COL24A1: variants seen among roughly 807,000 people sequenced by gnomAD.
COL24A1 encodes collagen type XXIV alpha 1 chain, also known as collagen alpha-1(XXIV) chain.
A neutral mutation model predicts 253.9 loss-of-function variants in COL24A1; 224 were observed. The observed-to-expected ratio is 0.88, with a 90% CI of 0.79 to 0.99. The LOEUF is 0.99. COL24A1 is among the 50% of genes least tolerant of loss of function. The probability of loss-of-function intolerance (pLI) is 0.00; values close to 1 mark genes in which losing one functional copy is unlikely to be tolerated. For missense variants in COL24A1, 2,131 were observed against 2,068.5 expected, an observed-to-expected ratio of 1.03 and a Z score of -0.59; for synonymous variants, 685 against 673.7, an observed-to-expected ratio of 1.02 and a Z score of -0.26.
At position 86,003,044 on chromosome 1, in the gene COL24A1, G is replaced by A. The variant is rs192033400; in HGVS notation, c.2310+14107C>T. Among the ~76,000 whole-genome samples the A allele has an allele frequency of 2.2e-3, 328 of 152,306 alleles. 1 individual carries two copies. The highest frequency in any genetic ancestry group is 5.7e-3 in the African/African-American group (235 of 41,576). On this transcript the variant is annotated intron_variant, in intron 19 of 59. Coordinates refer to ENST00000370571, the MANE Select transcript of COL24A1 (RefSeq NM_152890.7). Reference sequence around the variant, plus strand: ...CATATTTAATCCAGAAGACCCTTTAGTATTGGAGGTATTATGGTGGGAGAA... The same window carrying A: ...CATATTTAATCCAGAAGACCCTTTAATATTGGAGGTATTATGGTGGGAGAA...
intron 53 of COL24A1, among the ~76,000 whole-genome samples, chr1:85,770,761 A>C (rs574328861): frequency 2.2e-4 from 33 of 152,296 alleles, no homozygotes; most frequent in Non-Finnish European, 4.0e-4. Flanking sequence ...GCATCCTAGA[A>C]ATGAGGGAAG....
chr1:86,148,174 T>C (rs1652176530), intron 1 of COL24A1, among the ~76,000 whole-genome samples: 1 of 149,206 alleles, frequency 6.7e-6, no homozygotes. Context: ...GAGTTTTGTT[T>C]TGTTTTTGTT....
intron 27 of COL24A1, among the ~76,000 whole-genome samples, 178 bp from the exon 28 acceptor site, chr1:85,907,425 T>G (rs182184040): frequency 6.6e-6 from 1 of 152,076 alleles, no homozygotes; most frequent in South Asian, 2.1e-4. Context: ...TTTTGAAATA[T>G]TCTACTATTT....
At chr1:86,007,153 G>A (rs915604980) in intron 19 of COL24A1, among the ~76,000 whole-genome samples, 3 of 152,006 alleles carry the variant, frequency 2.0e-5, no homozygotes, top group African/African-American at 4.8e-5. Flanking sequence ...AGGTTGAGGC[G>A]ACAGTGAGCC....
At chr1:85,848,709 G>T (rs1558377762) in intron 38 of COL24A1, among the ~76,000 whole-genome samples, 1 of 152,046 alleles carries the variant, frequency 6.6e-6, no homozygotes, top group Non-Finnish European at 1.5e-5. Flanking sequence ...TTCTATTATT[G>T]ATAAACAAGA....
chr1:85,782,245 C>T (rs1669220724), intron 51 of COL24A1, among the ~76,000 whole-genome samples: 1 of 152,040 alleles, frequency 6.6e-6, no homozygotes, highest in African/African-American at 2.4e-5. Context: ...TGCCACCATG[C>T]CCAGCTAAAT....
chr1:86,068,609 G>T (rs79564378), intron 7 of COL24A1, among the ~76,000 whole-genome samples: 1 of 152,168 alleles, frequency 6.6e-6, no homozygotes, highest in African/African-American at 2.4e-5. Flanking sequence ...GTGAACTAGG[G>T]TGGAATGTGA....
chr1:86,005,664 C>A (rs1695880781), intron 19 of COL24A1, among the ~76,000 whole-genome samples: 1 of 151,766 alleles, frequency 6.6e-6, no homozygotes, highest in African/African-American at 2.4e-5. Context: ...AGGAACAAAG[C>A]AAGAATATCC....
rs1251695368 is a variant in COL24A1, at chr1:85,730,425, T to G, written c.*121A>C. On this transcript the variant is annotated 3_prime_UTR_variant, in exon 60 of 60. Transcript: ENST00000370571. ...AGGAAGTCTGTTCTTCCTGAGATTC[T>G]TTAAGATTTAGCCAATGCTTTATTA... 2 of 1,071,550 alleles carry G rather than the reference T, an allele frequency of 1.9e-6. No individual in the cohort carries two copies. Among genetic ancestry groups the G allele is most frequent in the Non-Finnish European group, 2.6e-6 (2 of 760,544 alleles). 66.4% of individuals were successfully genotyped at this position (1,071,550 alleles called of 1,614,324 possible). A position where few individuals can be genotyped will look rare whatever the true frequency, so the allele number is the denominator to read the frequency against.
chr1:85,960,809 G>A (rs376752184), intron 24 of COL24A1: 27 of 163,488 alleles, frequency 1.7e-4, no homozygotes, highest in East Asian at 1.6e-3. Flanking sequence ...GCTTGAACCC[G>A]GGAGGCAGAG....
chr1:85,745,293 T>TA (rs1329190858), intron 56 of COL24A1, 148 bp downstream of exon 56: 1 of 488,274 alleles, frequency 2.0e-6, no homozygotes, highest in Non-Finnish European at 3.6e-6. Context: ...CAAAATCACT[T>TA]ACTTTGTTCT....
At chr1:85,808,922 G>A (rs555210923) in intron 47 of COL24A1, among the ~76,000 whole-genome samples, 1 of 152,170 alleles carries the variant, frequency 6.6e-6, no homozygotes, top group African/African-American at 2.4e-5. Flanking sequence ...GCTAAGGAAT[G>A]AGTGCTGCTG....
chr1:85,762,263 T>C (rs1395240565), intron 53 of COL24A1, among the ~76,000 whole-genome samples: 2 of 152,210 alleles, frequency 1.3e-5, no homozygotes, highest in Non-Finnish European at 2.9e-5. Context: ...AAAGCAACAC[T>C]TATCTTCAGC....
At chr1:85,838,942 G>A (rs1210361155) in intron 42 of COL24A1, among the ~76,000 whole-genome samples, 1 of 152,188 alleles carries the variant, frequency 6.6e-6, no homozygotes, top group African/African-American at 2.4e-5. Flanking sequence ...GCTCACACCT[G>A]TAGTCCCAGC....
chr1:86,050,203 A>G (rs776310415), intron 10 of COL24A1, 26 bp from the exon 11 acceptor site: 11 of 1,599,030 alleles, frequency 6.9e-6, no homozygotes, highest in Non-Finnish European at 8.6e-6. Context: ...TAGTCTGTAT[A>G]TTAGTTCATT....
chr1:86,046,923 T>G, intron 11 of COL24A1, 54 bp from the exon 12 acceptor site: 1 of 981,708 alleles, frequency 1.0e-6, no homozygotes. Context: ...AATTAGGTAC[T>G]ATAGATCTTT....
chr1:86,026,430 A>G (rs1444210354), intron 14 of COL24A1, among the ~76,000 whole-genome samples: 1 of 152,182 alleles, frequency 6.6e-6, no homozygotes, highest in East Asian at 1.9e-4. Flanking sequence ...GGATTCCCCC[A>G]TGCTATTCTC....
chr1:85,737,566 CT>C (rs111790983), intron 57 of COL24A1, 61 bp from the exon 58 acceptor site: 153,693 of 864,350 alleles, frequency 0.18, 1,090 homozygotes, highest in South Asian at 0.2. Flanking sequence ...CTTATAATTT[CT>C]TTTTTTTTTT....
chr1:85,857,217 T>C (rs1678533548), intron 37 of COL24A1, among the ~76,000 whole-genome samples: 1 of 152,084 alleles, frequency 6.6e-6, no homozygotes, highest in Non-Finnish European at 1.5e-5. Flanking sequence ...ACCATATGGT[T>C]AAATTTTCCT....
Sources: gnomAD v4.1 joint callset for allele counts (sites outside exome capture counted in the v4.1 genomes callset) on GRCh38, gnomAD v4.1.1 for gene constraint, MANE v1.5 for transcripts, NCBI Gene and HGNC (gene_info 2026-07-23, HGNC 2026-07-21) for gene names.